Variants in LZTR1 observed in about 807,000 individuals in gnomAD.
LZTR1 encodes the protein leucine zipper like post translational regulator 1.
In LZTR1, 260 loss-of-function variants were observed where a neutral mutation model predicts 105.7. The ratio of observed to expected loss-of-function variants is 2.46; its 90% CI spans 2.22 to 2.72. The LOEUF (loss-of-function observed/expected upper bound fraction) is 2.72, where lower values mean the gene tolerates loss of function less well. LZTR1 is among the 30% of genes most tolerant of loss of function. The probability of loss-of-function intolerance (pLI) is 0.00; values close to 1 mark genes in which losing one functional copy is unlikely to be tolerated. For synonymous variants in LZTR1, 490 were observed against 476.4 expected (o/e 1.03, Z -0.37); for missense variants, 1,214 against 1,166.9 (o/e 1.04, Z -0.59).
chr22:20,994,048 C>T (rs1924710953), intron 13 of LZTR1, 29 bp downstream of exon 13: 2 of 1,592,720 alleles, frequency 1.3e-6, no homozygotes, highest in Non-Finnish European at 1.7e-6. Flanking sequence ...CTGCCCTGAC[C>T]TGGCAGCCAT....
Position 20,994,586 on chromosome 22 carries a change from G to A in LZTR1, c.1644G>A (p.Met548Ile), listed in dbSNP as rs146195984. 5 of 1,611,770 alleles carry A rather than the reference G, an allele frequency of 3.1e-6. No individual in the cohort carries two copies. The African/African-American group carries it at 4.0e-5, about 13-fold the overall frequency. The change falls in exon 15 of 21, where the codon ATG becomes ATA. Residue 548 changes from methionine to isoleucine, a missense_variant. Coordinates refer to ENST00000646124, the MANE Select transcript of LZTR1 (RefSeq NM_006767.4). The part of the protein sequence containing the change: ...KGHVEDVLLI[M>I]DVYKLALSFQ... Reference sequence around the variant, plus strand: ...ATGTGGAGGATGTGCTGCTCATCATGGATGTGTACAAACTGGCACTGAGCT... The same window carrying A: ...ATGTGGAGGATGTGCTGCTCATCATAGATGTGTACAAACTGGCACTGAGCT...
intron 6 of LZTR1, 81 bp from the exon 7 acceptor site, chr22:20,989,544 T>C: frequency 8.6e-7 from 1 of 1,158,826 alleles, no homozygotes; most frequent in Admixed American, 1.7e-5. Flanking sequence ...GGCTCCTCCC[T>C]GCAGCCATCC....
rs1374240053 is a variant in LZTR1 at position 20,994,629 on chromosome 22, G to C, written c.1687G>C (p.Glu563Gln). The change falls in exon 15 of 21, where the codon GAG (glutamate) becomes CAG (glutamine). Residue 563 changes from glutamate to glutamine, a missense_variant. Coordinates refer to ENST00000646124, the MANE Select transcript of LZTR1 (RefSeq NM_006767.4). ...ACTGAGCTTCCAGTTGTGCCGCCTG[G>C]AGCAGCTGTGCCGCCAGTACATCGA... ...LALSFQLCRL[E>Q]QLCRQYIEAS... The C allele has an allele frequency of 2.5e-6, 4 of 1,612,724 alleles. No homozygotes were observed. The highest frequency in any genetic ancestry group is 2.2e-5 in the South Asian group (2 of 91,084).
intron 2 of LZTR1, 70 bp from the exon 3 acceptor site, chr22:20,985,771 A>C (rs1382650357): frequency 2.1e-6 from 3 of 1,435,474 alleles, no homozygotes; most frequent in Non-Finnish European, 2.9e-6. Flanking sequence ...GGCTACATGC[A>C]GTGCCCATCT....
At position 20,997,339 on chromosome 22, in the gene LZTR1, C is replaced by T. The variant is rs772037780; in HGVS notation, c.2514C>T (p.Ala838=). 3.9e-5 allele frequency: 63 copies of T among 1,612,066 alleles called. No homozygotes were observed. Among genetic ancestry groups the T allele is most frequent in the Admixed American group, 8.3e-5 (5 of 59,996 alleles). The part of the protein sequence containing the change: ...ISDKQCAELG[A]DI ...ACAAGCAGTGCGCAGAGCTGGGCGC[C>T]GACATCTGAGGCCCTGTGGCGCCTG... The change falls in exon 21 of 21, where the codon GCC becomes GCT. Residue 838 remains alanine (A), a synonymous_variant. Transcript: ENST00000646124.
Position 20,994,144 on chromosome 22 carries a change from C to T in LZTR1, c.1490C>T (p.Pro497Leu), listed in dbSNP as rs780759354. 5.6e-6 allele frequency: 9 copies of T among 1,593,412 alleles called. No individual in the cohort carries two copies. In the South Asian group the frequency reaches 7.8e-5, roughly 14 times the overall value. The change falls in exon 14 of 21, where the codon CCC becomes CTC. Residue 497 changes from proline to leucine, a missense_variant. Physicochemically the swap from Pro to Leu is moderately conservative, Grantham distance 98. Coordinates refer to ENST00000646124, the MANE Select transcript of LZTR1 (RefSeq NM_006767.4). ...QEAAPVPREA[P>L]GVAAGGARPP... is the part of the protein sequence containing the mutation. ...GCCGCCCCAGTTCCCAGGGAGGCCC[C>T]CGGCGTGGCTGCTGGTGGGGCCCGG...
At chr22:20,996,627 TC>T in intron 18 of LZTR1, 68 bp from the exon 19 acceptor site, 1 of 1,348,318 alleles carries the variant, frequency 7.4e-7, no homozygotes, top group Non-Finnish European at 1.1e-6. Flanking sequence ...GCTGCGCCCT[TC>T]CCTGTCCTTC....
rs747225246 is a variant in LZTR1 at position 20,988,009 on chromosome 22, G to A, written c.401-1G>A. 2.6e-6 allele frequency: 4 copies of A among 1,567,714 alleles called. No homozygotes were observed. The highest frequency in any genetic ancestry group is 1.1e-5 in the South Asian group (1 of 89,810). ...GACAGTTTCTCACTCTCTTTACTCA[G>A]GGGGTTACACTGGGGACATTTATTC... On this transcript the variant is annotated splice_acceptor_variant, in intron 4 of 20. Transcript: ENST00000646124. LOFTEE classifies it high-confidence loss of function.
chr22:20,997,356 T>C lies in LZTR1; in HGVS notation c.*8T>C. The C allele has an allele frequency of 6.3e-7, 1 of 1,596,018 alleles. No individual in the cohort carries two copies. Among genetic ancestry groups the C allele is most frequent in the Non-Finnish European group, 8.6e-7 (1 of 1,164,110 alleles). ...CTGGGCGCCGACATCTGAGGCCCTG[T>C]GGCGCCTGCCCATTGTGAAGAATCG... On this transcript the variant is annotated 3_prime_UTR_variant, in exon 21 of 21. Transcript: ENST00000646124.
Position 20,992,814 on chromosome 22 carries a change from C to A in LZTR1, c.1170C>A (p.Phe390Leu). 1 of 1,602,880 alleles carries A rather than the reference C, an allele frequency of 6.2e-7. No homozygotes were observed. ...PASELPSGRL[F>L]HAAAVISDAM... ...CCCAGCTGCCCAGTGGGAGGCTCTT[C>A]CACGCGGCTGCTGTCATCTCGGACG... is the stretch of plus-strand genomic sequence containing the variant. Residue 390 changes from phenylalanine to leucine, a missense_variant, in exon 11 of 21, where the codon TTC (phenylalanine) becomes TTA (leucine). By Grantham distance (22) the Phe-to-Leu change is conservative. Coordinates refer to ENST00000646124, the MANE Select transcript of LZTR1 (RefSeq NM_006767.4).
chr22:20,986,539 T>A (rs978579427), intron 3 of LZTR1: 6 of 152,102 alleles, frequency 3.9e-5, no homozygotes, highest in African/African-American at 1.5e-4. Context: ...GATCGATAGA[T>A]AGATGATAGG....
At chr22:20,987,702 C>A in intron 4 of LZTR1, 119 bp downstream of exon 4, 3 of 949,380 alleles carry the variant, frequency 3.2e-6, no homozygotes, top group Non-Finnish European at 5.0e-6. Context: ...CTCTCTCCAC[C>A]CGTGGCTTTG....
At chr22:20,990,793 T>C (rs1270385400) in intron 8 of LZTR1, 3 of 419,540 alleles carry the variant, frequency 7.2e-6, no homozygotes, top group East Asian at 1.0e-4. Flanking sequence ...TCCTCGTGAA[T>C]AGCTTGGTCA....
chr22:20,994,994 C>A lies in LZTR1; in HGVS notation c.1910C>A (p.Pro637His). 1 of 1,612,800 alleles carries A rather than the reference C, an allele frequency of 6.2e-7. No individual in the cohort carries two copies. The highest frequency in any genetic ancestry group is 8.5e-7 in the Non-Finnish European group (1 of 1,179,922). Reference sequence around the variant, plus strand: ...GTGCGGCGGAAGCAGCAGCCGCCCCCTCGCACTCCCTTGGACCAGCCAGTG... The same window carrying A: ...GTGCGGCGGAAGCAGCAGCCGCCCCATCGCACTCCCTTGGACCAGCCAGTG... ...EIVRRKQQPPPRTPLDQPVDI... is the reference protein window; with the variant it reads ...EIVRRKQQPPHRTPLDQPVDI... Residue 637 changes from proline (P) to histidine (H), a missense_variant, in exon 16 of 21, where the codon CCT (proline) becomes CAT (histidine). Coordinates refer to ENST00000646124, the MANE Select transcript of LZTR1 (RefSeq NM_006767.4).
chr22:20,987,388 CAAA>C (rs58365624), intron 3 of LZTR1, 113 bp from the exon 4 acceptor site: 922 of 528,020 alleles, frequency 1.7e-3, no homozygotes, highest in South Asian at 3.5e-3. Context: ...GACTCCGTCT[CAAA>C]AAAAAAAAAA....
intron 3 of LZTR1, 47 bp downstream of exon 3, chr22:20,985,944 A>G: frequency 6.4e-7 from 1 of 1,573,536 alleles, no homozygotes; most frequent in Non-Finnish European, 8.7e-7. Flanking sequence ...CCTAGAACAC[A>G]GTGGCACAGT....
chr22:20,992,605 T>G (rs1408926494), intron 10 of LZTR1, 189 bp from the exon 11 acceptor site: 2 of 630,712 alleles, frequency 3.2e-6, no homozygotes, highest in East Asian at 2.7e-5. Context: ...TGGCCCGTCA[T>G]GCCCCACTCG....
chr22:20,996,162 C>A, intron 18 of LZTR1, 50 bp downstream of exon 18: 1 of 1,590,328 alleles, frequency 6.3e-7, no homozygotes, highest in Non-Finnish European at 8.6e-7. Context: ...GGGGTCCTGG[C>A]ACCCACCTCA....
At chr22:20,995,615 A>C in intron 16 of LZTR1, 131 bp from the exon 17 acceptor site, 1 of 1,117,168 alleles carries the variant, frequency 9.0e-7, no homozygotes, top group South Asian at 1.4e-5. Context: ...CCTCAGGGCG[A>C]GTGAGGCCTT....
Sources: allele counts gnomAD v4.1 joint callset, GRCh38; gene constraint gnomAD v4.1.1; transcripts MANE v1.5; gene names NCBI Gene and HGNC (gene_info 2026-07-23, HGNC 2026-07-21).